ADHFE1: variants seen among roughly 807,000 people sequenced by gnomAD.
ADHFE1 encodes the protein alcohol dehydrogenase iron containing 1.
ADHFE1 carries 37 observed loss-of-function variants against 54.8 expected under a neutral mutation model. That is an observed-to-expected ratio of 0.68 (90% CI 0.52 to 0.89). The LOEUF is 0.89. ADHFE1 is among the 40% of genes least tolerant of loss of function. The pLI, the probability that ADHFE1 is intolerant of heterozygous loss-of-function variation, is 0.00. For synonymous variants in ADHFE1, 203 were observed against 229.3 expected (o/e 0.89, Z 1.04); for missense variants, 601 against 591.2 (o/e 1.02, Z -0.17).
chr8:66,440,511 A>T (rs1805694847), intron 2 of ADHFE1, among the ~76,000 whole-genome samples: 1 of 152,254 alleles, frequency 6.6e-6, no homozygotes, highest in Admixed American at 6.5e-5. Flanking sequence ...TGTCAAACAG[A>T]ATTAATCAAG....
In ADHFE1 at chr8:66,432,508, C is replaced by A; in HGVS notation, c.-9C>A. 2 of 1,366,230 alleles carry A rather than the reference C, an allele frequency of 1.5e-6. No homozygotes were observed. Among genetic ancestry groups the A allele is most frequent in the South Asian group, 1.8e-5 (1 of 56,488 alleles). 84.6% of individuals were successfully genotyped at this position (1,366,230 alleles called of 1,614,324 possible). A position where few individuals can be genotyped will look rare whatever the true frequency, so the allele number is the denominator to read the frequency against. Reference sequence around the variant, plus strand: ...AGCGACCCGAGGAGGGAAGAGGACTCCAAGCGCCATGGCCGCTGCCGCCCG... The same window carrying A: ...AGCGACCCGAGGAGGGAAGAGGACTACAAGCGCCATGGCCGCTGCCGCCCG... On this transcript the variant is annotated 5_prime_UTR_variant, in exon 1 of 14. Transcript: ENST00000396623.
intron 10 of ADHFE1, 148 bp downstream of exon 10, chr8:66,454,305 C>CT (rs955073622): frequency 2.5e-5 from 17 of 690,054 alleles, no homozygotes; most frequent in Non-Finnish European, 3.8e-5. Context: ...TCTTCTTTTT[C>CT]TTTTTTTCCT....
rs555639256 is a variant in ADHFE1 at position 66,462,521 on chromosome 8, G to C, written c.1320+2056G>C. ...CCTGCCTTGGCTTCCCAAAGTCCTA[G>C]GGTTATAGATATGAGCCACAGTGCC... is the stretch of plus-strand genomic sequence containing the variant. On this transcript the variant is annotated intron_variant, in intron 13 of 13. Coordinates refer to ENST00000396623, the MANE Select transcript of ADHFE1 (RefSeq NM_144650.3). Among the ~76,000 whole-genome samples, 13 of 152,324 alleles carry C rather than the reference G, an allele frequency of 8.5e-5. No individual in the cohort carries two copies. In the East Asian group the frequency reaches 2.5e-3, roughly 29 times the overall value.
chr8:66,445,370 G>T lies in ADHFE1; in HGVS notation c.506G>T (p.Gly169Val), dbSNP rs1238179936. 1.2e-6 allele frequency: 2 copies of T among 1,613,578 alleles called. No homozygotes were observed. Among genetic ancestry groups the T allele is most frequent in the Admixed American group, 1.7e-5 (1 of 59,938 alleles). The change falls in exon 6 of 14, where the codon GGC (glycine) becomes GTC (valine). Residue 169 changes from glycine (G) to valine (V), a missense_variant. Transcript: ENST00000396623. The part of the protein sequence containing the change: ...DFLDYVSAPI[G>V]KGKPVSVPLK... ...CTAGATTATGTCAGTGCCCCCATTG[G>T]CAAGGGAAAGCCTGTGTCTGTGCCT...
chr8:66,456,820 T>C lies in ADHFE1; in HGVS notation c.990T>C (p.His330=). 1 of 1,608,630 alleles carries C rather than the reference T, an allele frequency of 6.2e-7. No individual in the cohort carries two copies. ...GFGNAGVHLC[H]GMSYPISGLV... ...AAGGATTTTCTTTCTTTTCTAGCCA[T>C]GGAATGTCTTACCCAATTTCAGGTT... The change falls in exon 11 of 14, where the codon CAT becomes CAC. Residue 330 remains histidine (H), a synonymous_variant. Coordinates refer to ENST00000396623, the MANE Select transcript of ADHFE1 (RefSeq NM_144650.3).
chr8:66,442,656 G>A, intron 2 of ADHFE1, 142 bp from the exon 3 acceptor site: 2 of 721,262 alleles, frequency 2.8e-6, no homozygotes, highest in Non-Finnish European at 4.6e-6. Context: ...TTAATTTGAT[G>A]TGCAACAGTG....
intron 1 of ADHFE1, among the ~76,000 whole-genome samples, chr8:66,438,869 A>G (rs966099389): frequency 8.0e-5 from 2 of 24,902 alleles, no homozygotes; most frequent in Admixed American, 1.3e-3. Context: ...TTGGGGAAGA[A>G]AAAAAAAAGG....
In ADHFE1 at chr8:66,454,129, G is replaced by A. The variant is rs776237246; in HGVS notation, c.958G>A (p.Gly320Ser). Residue 320 changes from glycine (G) to serine (S), a missense_variant, in exon 10 of 14, where the codon GGC becomes AGC. Coordinates refer to ENST00000396623, the MANE Select transcript of ADHFE1 (RefSeq NM_144650.3). ...MHLASAFAGI[G>S]FGNAGVHLCH... ...CTTGGCAAGTGCTTTTGCTGGCATCGGCTTTGGAAATGCTGGTGTTCATCT... is the reference window on the plus strand; with the variant it reads ...CTTGGCAAGTGCTTTTGCTGGCATCAGCTTTGGAAATGCTGGTGTTCATCT... 3.0e-5 allele frequency: 49 copies of A among 1,613,966 alleles called. No individual in the cohort carries two copies. The highest frequency in any genetic ancestry group is 2.0e-4 in the East Asian group (9 of 44,892).
At chr8:66,443,256 G>C in intron 3 of ADHFE1, among the ~76,000 whole-genome samples, 1 of 121,360 alleles carries the variant, frequency 8.2e-6, no homozygotes. Flanking sequence ...TCTCCTCCTA[G>C]TCCAGGAATT....
At chr8:66,436,566 C>G (rs953877733) in intron 1 of ADHFE1, among the ~76,000 whole-genome samples, 2 of 152,040 alleles carry the variant, frequency 1.3e-5, no homozygotes, top group Non-Finnish European at 2.9e-5. Flanking sequence ...TGAGAGAACA[C>G]CAGGAGCTCA....
At chr8:66,454,595 C>G (rs1806474347) in intron 10 of ADHFE1, among the ~76,000 whole-genome samples, 1 of 152,170 alleles carries the variant, frequency 6.6e-6, no homozygotes, top group South Asian at 2.1e-4. Context: ...TTGCCACCAT[C>G]ATCAATTTTA....
intron 1 of ADHFE1, among the ~76,000 whole-genome samples, chr8:66,437,094 T>C (rs775738466): frequency 2.6e-5 from 4 of 151,964 alleles, no homozygotes; most frequent in African/African-American, 4.8e-5. Context: ...ATCGGAAGAA[T>C]GGCTATAGCC....
rs1806327489 is a variant in ADHFE1, at chr8:66,452,026, C to A, written c.808C>A (p.Pro270Thr). ...CTGCCCTTCAAATCCCATCACACGG[C>A]CTGCGTACCAGGGCAGCAACCCAAT... ...SPCPSNPITR[P>T]AYQGSNPISD... is the part of the protein sequence containing the mutation. Residue 270 changes from proline to threonine, a missense_variant, in exon 9 of 14, where the codon CCT (proline) becomes ACT (threonine). By Grantham distance (38) the Pro-to-Thr change is conservative (BLOSUM62 -1). Transcript: ENST00000396623. 6.2e-7 allele frequency: 1 copy of A among 1,614,104 alleles called. No homozygotes were observed. The highest frequency in any genetic ancestry group is 1.3e-5 in the African/African-American group (1 of 74,920).
chr8:66,433,553 G>A (rs888390765), intron 1 of ADHFE1, among the ~76,000 whole-genome samples: 7 of 152,146 alleles, frequency 4.6e-5, no homozygotes, highest in African/African-American at 1.7e-4. Flanking sequence ...GCATGGAGAA[G>A]AATTTGTCCA....
chr8:66,446,727 A>G (rs1373705378), intron 6 of ADHFE1, among the ~76,000 whole-genome samples: 4 of 152,230 alleles, frequency 2.6e-5, no homozygotes, highest in South Asian at 2.1e-4. Flanking sequence ...TATTAAACAC[A>G]CATGCATGCT....
chr8:66,462,393 G>A (rs1806947810), intron 13 of ADHFE1, among the ~76,000 whole-genome samples: 2 of 152,172 alleles, frequency 1.3e-5, no homozygotes, highest in Admixed American at 6.5e-5. Flanking sequence ...AGCACTATAG[G>A]TGTGTGCCAC....
At position 66,460,455 on chromosome 8, in the gene ADHFE1, C is replaced by A. The variant is rs145880607; in HGVS notation, c.1310C>A (p.Thr437Lys). The change falls in exon 13 of 14, where the codon ACG becomes AAG. Residue 437 changes from threonine (T) to lysine (K), a missense_variant. By Grantham distance (78) the Thr-to-Lys change is moderately conservative. Transcript: ENST00000396623. ...KADIPALVKG[T>K]LPQERVTKLA... ...GATATCCCCGCACTAGTGAAAGGAACGCTGCCCCAGGTAAGAGACCGGCAG... is the reference window on the plus strand; with the variant it reads ...GATATCCCCGCACTAGTGAAAGGAAAGCTGCCCCAGGTAAGAGACCGGCAG... The A allele has an allele frequency of 1.3e-5, 20 of 1,582,242 alleles. No homozygotes were observed. The highest frequency in any genetic ancestry group is 1.7e-5 in the Non-Finnish European group (20 of 1,157,764).
Position 66,452,056 on chromosome 8 carries a change from G to C in ADHFE1, c.838G>C (p.Asp280His). ...GTACCAGGGCAGCAACCCAATCAGT[G>C]ACATTTGGGCTATCCACGCGCTGCG... ...PAYQGSNPIS[D>H]IWAIHALRIV... The change falls in exon 9 of 14, where the codon GAC becomes CAC. Residue 280 changes from aspartate (D) to histidine (H), a missense_variant. Transcript: ENST00000396623. 2 of 1,614,196 alleles carry C rather than the reference G, an allele frequency of 1.2e-6. No homozygotes were observed. The highest frequency in any genetic ancestry group is 2.2e-5 in the South Asian group (2 of 91,090).
chr8:66,450,763 A>G (rs1266659793), intron 8 of ADHFE1, among the ~76,000 whole-genome samples: 1 of 152,252 alleles, frequency 6.6e-6, no homozygotes, highest in African/African-American at 2.4e-5. Flanking sequence ...CACTCTGACT[A>G]CAGTGGCCTC....
Sources: allele counts gnomAD v4.1 joint callset (sites outside exome capture counted in the v4.1 genomes callset), GRCh38; gene constraint gnomAD v4.1.1; transcripts MANE v1.5; gene names NCBI Gene and HGNC (gene_info 2026-07-23, HGNC 2026-07-21).